CEP131: variants seen among roughly 807,000 people sequenced by gnomAD.
CEP131 encodes the protein centrosomal protein of 131 kDa.
In CEP131, 99 loss-of-function variants were observed where a neutral mutation model predicts 136.8. That is an observed-to-expected ratio of 0.72 (90% confidence interval 0.62 to 0.86). CEP131 has a LOEUF of 0.86. CEP131 is among the 40% of genes least tolerant of loss of function. The pLI is 0.00. For synonymous variants in CEP131, 646 were observed against 612.7 expected (o/e 1.05, Z -0.80); for missense variants, 1,459 against 1,463.0 (o/e 1.00, Z 0.04).
rs748097246 is a variant in CEP131 at position 81,191,206 on chromosome 17, C to A, written c.2752G>T (p.Ala918Ser). ...GCGGGTCCTTACCGGCTCTCGGCAGCCTTCTCACTCTCCTCCTTGGCCAGC... is the reference window on the plus strand; with the variant it reads ...GCGGGTCCTTACCGGCTCTCGGCAGACTTCTCACTCTCCTCCTTGGCCAGC... ...MALAKEESEK[A>S]AESRIKRLRD... The change falls in exon 22 of 26, where the codon GCT (alanine) becomes TCT (serine). Residue 918 changes from alanine to serine, a missense_variant. By Grantham distance (99) the Ala-to-Ser change is moderately conservative (BLOSUM62 1). Transcript: ENST00000450824. 6.2e-7 allele frequency: 1 copy of A among 1,612,616 alleles called. No individual in the cohort carries two copies. The highest frequency in any genetic ancestry group is 8.5e-7 in the Non-Finnish European group (1 of 1,179,836).
intron 5 of CEP131, among the ~76,000 whole-genome samples, chr17:81,205,237 C>G (rs1173366560): frequency 6.6e-6 from 1 of 151,574 alleles, no homozygotes; most frequent in Non-Finnish European, 1.5e-5. Context: ...CTGGCTTGGG[C>G]GACAGAGCGA....
chr17:81,215,967 C>G lies in CEP131; in HGVS notation c.177+3913G>C, dbSNP rs749269346. 2.0e-5 allele frequency among the ~76,000 whole-genome samples: 3 copies of G among 152,032 alleles called. No homozygotes were observed. The highest frequency in any genetic ancestry group is 7.2e-5 in the African/African-American group (3 of 41,400). On this transcript the variant is annotated intron_variant, in intron 2 of 25. Transcript: ENST00000450824. The surrounding 1 kb of genome is among the most constrained non-coding windows in gnomAD (Gnocchi z 4.1). ...AGGGTCAGGTGCAGCGGCCCACACC[C>G]GTAATCCCAGCACTTTGGGAGGCCG...
In CEP131 at chr17:81,196,941, G is replaced by C. The variant is rs149726301; in HGVS notation, c.1762C>G (p.Gln588Glu). 2.2e-5 allele frequency: 36 copies of C among 1,609,306 alleles called. No homozygotes were observed. The African/African-American group carries it at 4.3e-4, about 19-fold the overall frequency. ...EEKKQAMLLL[Q>E]RALAQQRDLT... ...GCCAGCAGCGTTACCAGCGCTCTCTGCAGCAGCAGCATGGCCTGCTTCTTC... is the reference window on the plus strand; with the variant it reads ...GCCAGCAGCGTTACCAGCGCTCTCTCCAGCAGCAGCATGGCCTGCTTCTTC... The change falls in exon 14 of 26, where the codon CAG (glutamine) becomes GAG (glutamate). Residue 588 changes from glutamine to glutamate, a missense_variant. By Grantham distance (29) the Gln-to-Glu change is conservative (BLOSUM62 2). Transcript: ENST00000450824.
rs1211733235 is a variant in CEP131, at chr17:81,190,718, C to T, written c.3028G>A (p.Glu1010Lys). 1 of 1,610,452 alleles carries T rather than the reference C, an allele frequency of 6.2e-7. No individual in the cohort carries two copies. Among genetic ancestry groups the T allele is most frequent in the South Asian group, 1.1e-5 (1 of 90,804 alleles). Reference protein sequence around the residue: ...EFEDRLAASEEETRQAKAELA... With the variant: ...EFEDRLAASEKETRQAKAELA... ...TCGGCCTTGGCCTGCCGCGTCTCCT[C>T]CTCAGAGGCTGCCAGCCGGTCCTCG... Residue 1010 changes from glutamate (E) to lysine (K), a missense_variant, in exon 24 of 26, where the codon GAG (glutamate) becomes AAG (lysine). Physicochemically the swap from Glu to Lys is moderately conservative, Grantham distance 56 (BLOSUM62 1). Around this residue, in one of 3 missense-constraint regions of CEP131, gnomAD observed 1,026 missense variants for 964.2 expected, o/e 1.06. Transcript: ENST00000450824.
chr17:81,206,149 G>A (rs2062004795), intron 5 of CEP131, among the ~76,000 whole-genome samples: 1 of 152,066 alleles, frequency 6.6e-6, no homozygotes. Flanking sequence ...GGGAGTCAGA[G>A]GTTGCAGTGA....
rs370319596 is a variant in CEP131 at position 81,192,399 on chromosome 17, G to T, written c.2548-7C>A. ...TCAGGGTATTCAGCTCCATCTGGGG[G>T]GCGGACATAAGAGGCCAGTCAGTCC... On this transcript the variant is annotated splice_polypyrimidine_tract_variant and splice_region_variant and intron_variant, in intron 20 of 25. Transcript: ENST00000450824. 1.0e-4 allele frequency: 165 copies of T among 1,609,908 alleles called. No homozygotes were observed. In the Admixed American group the frequency reaches 1.1e-3, roughly 11 times the overall value.
Position 81,203,214 on chromosome 17 carries a change from G to A in CEP131, c.629+280C>T, listed in dbSNP as rs1198256418. ...GACCTCACTGTGCCACATCTGGGCTGTTTTCTCTCTGTGGGAAGCTGCCGA... is the reference window on the plus strand; with the variant it reads ...GACCTCACTGTGCCACATCTGGGCTATTTTCTCTCTGTGGGAAGCTGCCGA... On this transcript the variant is annotated intron_variant, in intron 6 of 25. Transcript: ENST00000450824. The surrounding 1 kb of genome is among the most constrained non-coding windows in gnomAD (Gnocchi z 4.6). Among the ~76,000 whole-genome samples, 3 of 152,174 alleles carry A rather than the reference G, an allele frequency of 2.0e-5. No homozygotes were observed. Among genetic ancestry groups the A allele is most frequent in the Admixed American group, 2.0e-4 (3 of 15,286 alleles).
rs1007947076 is a variant in CEP131 at position 81,196,979 on chromosome 17, A to C, written c.1724T>G (p.Leu575Arg). The C allele has an allele frequency of 5.6e-6, 9 of 1,606,780 alleles. 1 individual carries two copies. In the South Asian group the frequency reaches 7.8e-5, roughly 14 times the overall value. Residue 575 changes from leucine (L) to arginine (R), a missense_variant, in exon 14 of 26, where the codon CTG becomes CGG. By Grantham distance (102) the Leu-to-Arg change is moderately radical. Transcript: ENST00000450824. ...EVSTSVMRLKLEVEEKKQAML... is the reference protein window; with the variant it reads ...EVSTSVMRLKREVEEKKQAML... ...GGCCTGCTTCTTCTCCTCCACCTCC[A>C]GCTTCAGCCGCATCACAGACGTGCT...
In CEP131 at chr17:81,197,862, A is replaced by T; in HGVS notation, c.1497T>A (p.Ala499=). The change falls in exon 13 of 26, where the codon GCT becomes GCA. Residue 499 remains alanine, a synonymous_variant. Transcript: ENST00000450824. ...GTTTTCCAAATTTCTCCAAGTTGTC[A>T]GCTGTCAGAGAGCTGGCGTCATCCT... The part of the protein sequence containing the change: ...SEEDDASSLT[A]DNLEKFGKLS... The T allele has an allele frequency of 6.2e-7, 1 of 1,613,010 alleles. No homozygotes were observed. Among genetic ancestry groups the T allele is most frequent in the Non-Finnish European group, 8.5e-7 (1 of 1,179,868 alleles).
intron 2 of CEP131, among the ~76,000 whole-genome samples, chr17:81,216,954 C>A (rs1050762513): frequency 6.6e-6 from 1 of 152,138 alleles, no homozygotes; most frequent in African/African-American, 2.4e-5. Context: ...TGGAAAGGCA[C>A]CACTCATGCT....
chr17:81,196,795 AC>A lies in CEP131; in HGVS notation c.1804del (p.Val602SerfsTer8), dbSNP rs1443680310. The A allele has an allele frequency of 1.0e-5, 16 of 1,582,406 alleles. No homozygotes were observed. The African/African-American group carries it at 2.0e-4, about 20-fold the overall frequency. Reference sequence around the variant, plus strand: ...GCTCAGCGCCTTCTCTGTCTCCTTGACCCGCCGGGCCGTGAGGTCTCGCTGC... The same window carrying A: ...GCTCAGCGCCTTCTCTGTCTCCTTGACCGCCGGGCCGTGAGGTCTCGCTGC... ...AQQRDLTARRVKETEKALSRQ... is the reference protein window; with the variant it reads ...AQQRDLTARRXKETEKALSRQ... On this transcript the variant is annotated frameshift_variant, in exon 15 of 26. Coordinates refer to ENST00000450824, the MANE Select transcript of CEP131 (RefSeq NM_014984.4). LOFTEE classifies it high-confidence loss of function.
Position 81,197,753 on chromosome 17 carries a change from T to C in CEP131, c.1606A>G (p.Met536Val). ...LQSIMSFLDE[M>V]EKSGQDQLDS... Reference sequence around the variant, plus strand: ...AGCTGGTCCTGCCCAGACTTCTCCATCTCGTCCAAGAAGCTCATGATGCTT... The same window carrying C: ...AGCTGGTCCTGCCCAGACTTCTCCACCTCGTCCAAGAAGCTCATGATGCTT... Residue 536 changes from methionine to valine, a missense_variant, in exon 13 of 26, where the codon ATG (methionine) becomes GTG (valine). Coordinates refer to ENST00000450824, the MANE Select transcript of CEP131 (RefSeq NM_014984.4). 1.2e-6 allele frequency: 2 copies of C among 1,612,916 alleles called. No homozygotes were observed. The highest frequency in any genetic ancestry group is 1.7e-6 in the Non-Finnish European group (2 of 1,179,800).
Position 81,218,111 on chromosome 17 carries a change from C to T in CEP131, c.177+1769G>A, listed in dbSNP as rs144287897. Among the ~76,000 whole-genome samples the T allele has an allele frequency of 3.5e-3, 519 of 149,324 alleles. 4 individuals carry two copies. The highest frequency in any genetic ancestry group is 0.012 in the African/African-American group (486 of 40,728). On this transcript the variant is annotated intron_variant, in intron 2 of 25. Transcript: ENST00000450824. ...AGGCTGGAGTACAGTGGCATGATCT[C>T]GGCTCACTGCAGCCTCCTCCGCCCG...
chr17:81,199,236 G>A, intron 10 of CEP131, 145 bp downstream of exon 10: 1 of 1,022,700 alleles, frequency 9.8e-7, no homozygotes, highest in Non-Finnish European at 1.4e-6. Context: ...CAGGTCAGCT[G>A]GGGGCCAAGG....
At chr17:81,194,319 G>A (rs2279915) in intron 17 of CEP131, among the ~76,000 whole-genome samples, 192 bp from the exon 18 acceptor site, 8,364 of 152,230 alleles carry the variant, frequency 0.055, 436 homozygotes, top group East Asian at 0.18. Flanking sequence ...GGGCCACGGC[G>A]CCTCTCCCAG....
chr17:81,209,077 G>T (rs1309393584), intron 2 of CEP131, 55 bp from the exon 3 acceptor site: 16 of 1,335,732 alleles, frequency 1.2e-5, no homozygotes, highest in Non-Finnish European at 1.7e-5. Context: ...TCACCAGTTT[G>T]CTCAGCCTCC....
Position 81,199,773 on chromosome 17 carries a change from G to A in CEP131, c.969C>T (p.Ala323=). 1 of 1,611,604 alleles carries A rather than the reference G, an allele frequency of 6.2e-7. No individual in the cohort carries two copies. Among genetic ancestry groups the A allele is most frequent in the South Asian group, 1.1e-5 (1 of 91,086 alleles). ...LLDLHQQKEA[A]RRKAREEKAR... The stretch of plus-strand genomic sequence containing the variant: ...CCTTCTCCTCCCGGGCCTTCCTCCT[G>A]GCTGCCTCTTTCTGCTGGTGCAGGT... The change falls in exon 9 of 26, where the codon GCC becomes GCT. Residue 323 remains alanine (A), a synonymous_variant. Transcript: ENST00000450824.
chr17:81,199,100 G>C, intron 10 of CEP131, 129 bp from the exon 11 acceptor site: 1 of 926,986 alleles, frequency 1.1e-6, no homozygotes, highest in South Asian at 1.7e-5. Context: ...GGAGCCGCTG[G>C]GGAGCCACGG....
intron 8 of CEP131, 75 bp from the exon 9 acceptor site, chr17:81,199,910 A>G (rs1026154329): frequency 2.0e-6 from 3 of 1,473,386 alleles, no homozygotes; most frequent in East Asian, 4.5e-5. Context: ...AGGTTTCCCC[A>G]CAACGCCCTG....
Sources: gnomAD v4.1 joint callset for allele counts (sites outside exome capture counted in the v4.1 genomes callset) on GRCh38, gnomAD v4.1.1 for gene constraint, gnomAD v4.1.1 regional missense constraint, Gnocchi (gnomAD v3.1) non-coding constraint, MANE v1.5 for transcripts, NCBI Gene and HGNC (gene_info 2026-07-23, HGNC 2026-07-21) for gene names.